MAP7: variants seen among roughly 807,000 people sequenced by gnomAD.
MAP7 encodes the protein ensconsin.
Under a neutral mutation model 94.8 loss-of-function variants are expected in MAP7, and 52 were observed. The observed-to-expected ratio is 0.55, with a 90% CI of 0.44 to 0.69. The LOEUF is 0.69. Ranked by LOEUF, MAP7 falls within the 30% of genes least tolerant of loss-of-function variation. The pLI, the probability that MAP7 is intolerant of heterozygous loss-of-function variation, is 0.00. For synonymous variants in MAP7, 350 were observed against 357.0 expected (o/e 0.98, Z 0.22); for missense variants, 940 against 964.6 (o/e 0.97, Z 0.34).
intron 1 of MAP7, among the ~76,000 whole-genome samples, chr6:136,538,741 T>C: frequency 7.1e-6 from 1 of 140,742 alleles, no homozygotes; most frequent in East Asian, 2.0e-4. Context: ...CAGTGAGCCA[T>C]GATGGTGCCA....
At chr6:136,422,315 A>G (rs962707308) in intron 1 of MAP7, among the ~76,000 whole-genome samples, 1 of 152,212 alleles carries the variant, frequency 6.6e-6, no homozygotes. Context: ...AAAGACTTCA[A>G]CGTATGTTCA....
chr6:136,419,015 ATTTAACTTGACTT>A (rs1433920108), intron 2 of MAP7, among the ~76,000 whole-genome samples: 3 of 152,214 alleles, frequency 2.0e-5, no homozygotes, highest in Non-Finnish European at 4.4e-5. Flanking sequence ...ATGTCTCCCT[ATTTAACTTGACTT>A]TAGCAATATA....
At chr6:136,384,271 T>C (rs371190095) in intron 5 of MAP7, among the ~76,000 whole-genome samples, 15 of 152,158 alleles carry the variant, frequency 9.9e-5, no homozygotes, top group East Asian at 3.8e-4. Flanking sequence ...AAGTTCATTA[T>C]AGAAGAAGGC....
At chr6:136,410,334 T>C (rs1203062316) in intron 3 of MAP7, among the ~76,000 whole-genome samples, 1 of 152,144 alleles carries the variant, frequency 6.6e-6, no homozygotes, top group East Asian at 1.9e-4. Flanking sequence ...AAAACAGTAG[T>C]CAGTTTCTTA....
At chr6:136,428,008 T>C (rs183086809) in intron 1 of MAP7, among the ~76,000 whole-genome samples, 2 of 152,336 alleles carry the variant, frequency 1.3e-5, no homozygotes, top group Non-Finnish European at 2.9e-5. Context: ...AGACATTGAC[T>C]TTATAAATAC....
At chr6:136,519,021 C>G (rs1825661709) in intron 1 of MAP7, among the ~76,000 whole-genome samples, 1 of 152,172 alleles carries the variant, frequency 6.6e-6, no homozygotes, top group Non-Finnish European at 1.5e-5. Flanking sequence ...CAGGTTAAAT[C>G]ATGTTCCTCT....
intron 1 of MAP7, among the ~76,000 whole-genome samples, chr6:136,465,379 C>T (rs1392891089): frequency 2.0e-5 from 3 of 152,188 alleles, no homozygotes; most frequent in African/African-American, 7.2e-5. Context: ...AGAAGCAATC[C>T]TATTTTATCA....
intron 1 of MAP7, among the ~76,000 whole-genome samples, chr6:136,532,087 A>G (rs1463094445): frequency 6.6e-6 from 1 of 152,208 alleles, no homozygotes; most frequent in East Asian, 1.9e-4. Context: ...AAAAAGTTCA[A>G]CTGGACAGGT....
chr6:136,505,277 G>GTGTGTGTATATATA (rs1465266004), intron 1 of MAP7, among the ~76,000 whole-genome samples: 1 of 53,810 alleles, frequency 1.9e-5, no homozygotes, highest in African/African-American at 8.1e-5. Flanking sequence ...GTGTGTGTGT[G>GTGTGTGTATATATA]TATATATATA....
Position 136,505,241 on chromosome 6 carries a change from T to C in MAP7, c.67+45101A>G, listed in dbSNP as rs150376815. Among the ~76,000 whole-genome samples, 616 of 139,604 alleles carry C rather than the reference T, an allele frequency of 4.4e-3. 8 individuals carry two copies. Among genetic ancestry groups the C allele is most frequent in the African/African-American group, 0.016 (587 of 37,490 alleles). The allele number at this position is 139,604 out of a possible 152,430, so 91.6% of individuals were successfully genotyped here. On this transcript the variant is annotated intron_variant, in intron 1 of 17. Transcript: ENST00000354570. ...TTTAAGAACTCAATTGTATATTACA[T>C]TTCCATGTAATGTGTGTGTGTGTGT...
intron 1 of MAP7, among the ~76,000 whole-genome samples, chr6:136,456,744 A>AAGGAGGAGGAGG (rs1238757592): frequency 7.4e-5 from 5 of 67,434 alleles, no homozygotes; most frequent in Admixed American, 3.9e-4. Context: ...GGAAGAGGAG[A>AAGGAGGAGGAGG]AGGAGGAGGA....
At chr6:136,417,227 T>C (rs1789782502) in intron 2 of MAP7, among the ~76,000 whole-genome samples, 1 of 152,236 alleles carries the variant, frequency 6.6e-6, no homozygotes, top group African/African-American at 2.4e-5. Context: ...TTAAGAGGAA[T>C]AGAACTTAGG....
At chr6:136,501,815 G>A (rs772062297) in intron 1 of MAP7, among the ~76,000 whole-genome samples, 1 of 152,148 alleles carries the variant, frequency 6.6e-6, no homozygotes, top group Non-Finnish European at 1.5e-5. Flanking sequence ...AAGCCATTAA[G>A]TTCCCATCAC....
chr6:136,456,822 G>GAAGAAGAAGAAA lies in MAP7; in HGVS notation c.68-35024_68-35023insTTTCTTCTTCTT, dbSNP rs1554259490. On this transcript the variant is annotated intron_variant, in intron 1 of 17. Coordinates refer to ENST00000354570, the MANE Select transcript of MAP7 (RefSeq NM_003980.6). ...AGAAGAAGAAGAAGAAGAAGAAGAA[G>GAAGAAGAAGAAA]GAAGAAGAAGAAGAAGAAGAAGAAG... Among the ~76,000 whole-genome samples the GAAGAAGAAGAAA allele has an allele frequency of 5.8e-5, 4 of 69,022 alleles. No individual in the cohort carries two copies. In the Admixed American group the frequency reaches 7.3e-4, roughly 13 times the overall value. The allele number at this position is 69,022 out of a possible 152,430, so 45.3% of individuals were successfully genotyped here.
chr6:136,521,083 C>T (rs1430427964), intron 1 of MAP7, among the ~76,000 whole-genome samples: 1 of 152,188 alleles, frequency 6.6e-6, no homozygotes, highest in African/African-American at 2.4e-5. Flanking sequence ...CATATGGTGA[C>T]AGCTGCTACT....
At chr6:136,504,624 C>T (rs1232908379) in intron 1 of MAP7, among the ~76,000 whole-genome samples, 1 of 149,916 alleles carries the variant, frequency 6.7e-6, no homozygotes, top group African/African-American at 2.5e-5. Context: ...GATTACAGGC[C>T]TGAGCCACCG....
chr6:136,489,934 A>G (rs900801608), intron 1 of MAP7, among the ~76,000 whole-genome samples: 1 of 152,172 alleles, frequency 6.6e-6, no homozygotes, highest in Non-Finnish European at 1.5e-5. Context: ...TTTGCCACAG[A>G]GATTCATAAG....
intron 8 of MAP7, among the ~76,000 whole-genome samples, chr6:136,370,987 G>T (rs1207304269): frequency 6.6e-6 from 1 of 151,214 alleles, no homozygotes; most frequent in Non-Finnish European, 1.5e-5. Flanking sequence ...CTTTCCAAGT[G>T]CTCACTGTGG....
chr6:136,356,383 C>T (rs1229599863), intron 16 of MAP7, among the ~76,000 whole-genome samples: 1 of 152,036 alleles, frequency 6.6e-6, no homozygotes, highest in South Asian at 2.1e-4. Flanking sequence ...CCAGGCTGGT[C>T]TAGAACTCTC....
Sources: allele counts gnomAD v4.1 joint callset (sites outside exome capture counted in the v4.1 genomes callset), GRCh38; gene constraint gnomAD v4.1.1; transcripts MANE v1.5; gene names NCBI Gene and HGNC (gene_info 2026-07-23, HGNC 2026-07-21).